Variants in ZMAT4 observed in about 807,000 individuals in gnomAD.
ZMAT4 encodes zinc finger matrin-type 4.
In ZMAT4, 17 loss-of-function variants were observed where a neutral mutation model predicts 28.7. The ratio of observed to expected loss-of-function variants is 0.59; its 90% CI spans 0.41 to 0.89. ZMAT4 has a LOEUF of 0.89. Ranked by LOEUF, ZMAT4 falls within the 40% of genes least tolerant of loss-of-function variation. The probability of loss-of-function intolerance (pLI) is 0.00; values close to 1 mark genes in which losing one functional copy is unlikely to be tolerated. For synonymous variants in ZMAT4, 117 were observed against 109.2 expected, an observed-to-expected ratio of 1.07 and a Z score of -0.44; for missense variants, 240 against 283.8, an observed-to-expected ratio of 0.85 and a Z score of 1.11.
chr8:40,672,997 CT>C (rs1038244106), intron 5 of ZMAT4, among the ~76,000 whole-genome samples: 49 of 152,256 alleles, frequency 3.2e-4, no homozygotes, highest in African/African-American at 1.1e-3. Flanking sequence ...AATGTTTGCT[CT>C]TTTTTTGTTG....
chr8:40,820,899 G>A (rs201929440), intron 2 of ZMAT4, among the ~76,000 whole-genome samples: 1 of 31,098 alleles, frequency 3.2e-5, no homozygotes, highest in Non-Finnish European at 7.0e-5. Context: ...GTTTATGTGT[G>A]TGTTTGTGTG....
At chr8:40,881,727 C>G (rs1478638941) in intron 1 of ZMAT4, among the ~76,000 whole-genome samples, 1 of 152,074 alleles carries the variant, frequency 6.6e-6, no homozygotes, top group Non-Finnish European at 1.5e-5. Context: ...TCCCCAAAGC[C>G]CATGGTATCA....
intron 1 of ZMAT4, among the ~76,000 whole-genome samples, chr8:40,890,164 A>G (rs1193457109): frequency 6.6e-6 from 1 of 152,164 alleles, no homozygotes; most frequent in African/African-American, 2.4e-5. Flanking sequence ...CTTCTCTATC[A>G]GGGAAAGGCT....
At chr8:40,631,924 C>A (rs889069657) in intron 5 of ZMAT4, among the ~76,000 whole-genome samples, 1 of 152,170 alleles carries the variant, frequency 6.6e-6, no homozygotes, top group Non-Finnish European at 1.5e-5. Flanking sequence ...TCAGACGAAA[C>A]CTCTCAAGTC....
chr8:40,630,860 C>T lies in ZMAT4; in HGVS notation c.577+43844G>A, dbSNP rs559440540. On this transcript the variant is annotated intron_variant, in intron 5 of 6. Transcript: ENST00000297737. ...GTGTAATTTTAAATTTTCTAGATGC[C>T]ATAGTCAAAAGTAAAACAAAATAAG... Among the ~76,000 whole-genome samples the T allele has an allele frequency of 1.6e-4, 24 of 152,214 alleles. No individual in the cohort carries two copies. The East Asian group carries it at 4.6e-3, about 29-fold the overall frequency.
chr8:40,640,501 G>A (rs1806970807), intron 5 of ZMAT4, among the ~76,000 whole-genome samples: 2 of 152,110 alleles, frequency 1.3e-5, no homozygotes, highest in South Asian at 2.1e-4. Context: ...CTAATGAACA[G>A]ACTAACAAAA....
chr8:40,684,939 A>G (rs527808060), intron 4 of ZMAT4, among the ~76,000 whole-genome samples: 1 of 151,940 alleles, frequency 6.6e-6, no homozygotes, highest in East Asian at 1.9e-4. Flanking sequence ...TTGAACCTCC[A>G]TTTTGAGTTG....
chr8:40,757,919 G>A (rs912321070), intron 3 of ZMAT4, among the ~76,000 whole-genome samples: 2 of 152,106 alleles, frequency 1.3e-5, no homozygotes, highest in African/African-American at 2.4e-5. Context: ...AAAAGAAAAT[G>A]AGAAGACTAG....
chr8:40,793,252 AGTCTGTGAATTT>A (rs1814439945), intron 2 of ZMAT4, among the ~76,000 whole-genome samples: 1 of 152,264 alleles, frequency 6.6e-6, no homozygotes, highest in South Asian at 2.1e-4. Context: ...CACAAAAATA[AGTCTGTGAATTT>A]AAAAATACAG....
chr8:40,655,908 A>G (rs1269817427), intron 5 of ZMAT4, among the ~76,000 whole-genome samples: 3 of 152,124 alleles, frequency 2.0e-5, no homozygotes, highest in Non-Finnish European at 4.4e-5. Flanking sequence ...ATTTCCTTCA[A>G]TGTGATAAAA....
chr8:40,560,905 G>T (rs1001277691), intron 6 of ZMAT4, among the ~76,000 whole-genome samples: 5 of 152,120 alleles, frequency 3.3e-5, no homozygotes, highest in Admixed American at 2.6e-4. Flanking sequence ...CTCTGGACAT[G>T]CAGGAGGCCA....
At chr8:40,624,239 C>T (rs1462089099) in intron 5 of ZMAT4, among the ~76,000 whole-genome samples, 1 of 152,022 alleles carries the variant, frequency 6.6e-6, no homozygotes, top group African/African-American at 2.4e-5. Flanking sequence ...AAATGGTGGC[C>T]CTATAAGATG....
intron 3 of ZMAT4, among the ~76,000 whole-genome samples, chr8:40,730,664 C>T (rs1215661705): frequency 6.6e-6 from 1 of 152,082 alleles, no homozygotes; most frequent in Admixed American, 6.6e-5. Flanking sequence ...GTGGGGATTT[C>T]AGAAGGCTCT....
chr8:40,764,315 G>T (rs1196604409), intron 3 of ZMAT4, among the ~76,000 whole-genome samples: 1 of 152,206 alleles, frequency 6.6e-6, no homozygotes, highest in Non-Finnish European at 1.5e-5. Flanking sequence ...AGCATGTGAA[G>T]AGAAAATTTA....
At chr8:40,865,039 G>T (rs979409393) in intron 1 of ZMAT4, among the ~76,000 whole-genome samples, 1 of 152,148 alleles carries the variant, frequency 6.6e-6, no homozygotes, top group African/African-American at 2.4e-5. Flanking sequence ...TCTGTGCAAG[G>T]TCAAGCAAAA....
Position 40,657,900 on chromosome 8 carries a change from T to C in ZMAT4, c.577+16804A>G, listed in dbSNP as rs557548223. On this transcript the variant is annotated intron_variant, in intron 5 of 6. Coordinates refer to ENST00000297737, the MANE Select transcript of ZMAT4 (RefSeq NM_024645.3). Reference sequence around the variant, plus strand: ...TTAGGATTCATGAGCTTCTTAAACATGCAAATGTGTTTCTTTCACATATGA... The same window carrying C: ...TTAGGATTCATGAGCTTCTTAAACACGCAAATGTGTTTCTTTCACATATGA... Among the ~76,000 whole-genome samples, 16 of 152,300 alleles carry C rather than the reference T, an allele frequency of 1.1e-4. No homozygotes were observed. The East Asian group carries it at 2.3e-3, about 22-fold the overall frequency.
intron 2 of ZMAT4, among the ~76,000 whole-genome samples, chr8:40,768,716 A>T (rs576926304): frequency 5.4e-4 from 83 of 152,312 alleles, no homozygotes; most frequent in Non-Finnish European, 8.4e-4. Flanking sequence ...ATCAAATGAG[A>T]CATTGCATAT....
intron 6 of ZMAT4, among the ~76,000 whole-genome samples, chr8:40,554,041 T>A (rs1803447112): frequency 6.6e-6 from 1 of 152,108 alleles, no homozygotes; most frequent in Non-Finnish European, 1.5e-5. Context: ...CATATACATG[T>A]CTTGTCATGT....
chr8:40,587,101 A>C (rs1260444510), intron 5 of ZMAT4, among the ~76,000 whole-genome samples: 2 of 151,274 alleles, frequency 1.3e-5, no homozygotes, highest in Non-Finnish European at 2.9e-5. Context: ...TCAAGGAACA[A>C]AAAGTGATAA....
Sources: gnomAD v4.1 joint callset for allele counts (sites outside exome capture counted in the v4.1 genomes callset) on GRCh38, gnomAD v4.1.1 for gene constraint, MANE v1.5 for transcripts, NCBI Gene and HGNC (gene_info 2026-07-23, HGNC 2026-07-21) for gene names.